NRG3: variants seen among roughly 807,000 people sequenced by gnomAD.
The protein encoded by NRG3 is neuregulin 3.
NRG3 carries 31 observed loss-of-function variants against 66.9 expected under a neutral mutation model. The ratio of observed to expected loss-of-function variants is 0.46; its 90% CI spans 0.35 to 0.63. The LOEUF is 0.63. NRG3 is among the 20% of genes least tolerant of loss of function. The pLI is 0.00. For missense variants in NRG3, 910 were observed against 878.9 expected, an observed-to-expected ratio of 1.04 and a Z score of -0.45; for synonymous variants, 393 against 359.4, an observed-to-expected ratio of 1.09 and a Z score of -1.06.
chr10:82,270,836 G>T (rs1307362405), intron 1 of NRG3, among the ~76,000 whole-genome samples: 1 of 152,042 alleles, frequency 6.6e-6, no homozygotes, highest in African/African-American at 2.4e-5. Flanking sequence ...TGTCTCTTAC[G>T]CCATGGAGTA....
chr10:82,152,310 T>C (rs958406251), intron 1 of NRG3, among the ~76,000 whole-genome samples: 2 of 152,198 alleles, frequency 1.3e-5, no homozygotes, highest in South Asian at 2.1e-4. Context: ...TAGGATCTGC[T>C]TTGTTGCTAA....
chr10:82,746,097 G>T (rs1486495360), intron 3 of NRG3, among the ~76,000 whole-genome samples: 1 of 152,088 alleles, frequency 6.6e-6, no homozygotes, highest in Non-Finnish European at 1.5e-5. Context: ...TTGCTATGTT[G>T]CCCAGGCTGG....
intron 1 of NRG3, among the ~76,000 whole-genome samples, chr10:82,235,569 C>G (rs901782401): frequency 1.3e-5 from 2 of 152,148 alleles, no homozygotes; most frequent in Non-Finnish European, 2.9e-5. Context: ...TCTCCCACTG[C>G]TCTTAAGGCC....
chr10:82,211,196 T>C (rs748441128), intron 1 of NRG3, among the ~76,000 whole-genome samples: 2 of 152,182 alleles, frequency 1.3e-5, no homozygotes, highest in Non-Finnish European at 2.9e-5. Flanking sequence ...TTAATTCTTT[T>C]CTTTAATGGT....
chr10:81,937,741 C>A (rs1017772124), intron 1 of NRG3, among the ~76,000 whole-genome samples: 4 of 152,028 alleles, frequency 2.6e-5, no homozygotes, highest in Non-Finnish European at 5.9e-5. Flanking sequence ...CAGAAGTTTT[C>A]AAGTTTGATG....
chr10:82,609,879 A>G (rs1212402690), intron 2 of NRG3, among the ~76,000 whole-genome samples: 4 of 152,202 alleles, frequency 2.6e-5, no homozygotes, highest in Non-Finnish European at 5.9e-5. Context: ...AAATTTAGCA[A>G]CTTAAAGTAA....
chr10:82,910,085 A>G (rs1041919447), intron 4 of NRG3, among the ~76,000 whole-genome samples: 11 of 152,260 alleles, frequency 7.2e-5, no homozygotes, highest in African/African-American at 2.7e-4. Context: ...TATTCTGGCC[A>G]TGAAACAAGA....
chr10:81,947,763 T>G (rs538313025), intron 1 of NRG3, among the ~76,000 whole-genome samples: 1 of 152,148 alleles, frequency 6.6e-6, no homozygotes, highest in East Asian at 1.9e-4. Context: ...AAACAGTAGC[T>G]AATATGACAA....
intron 4 of NRG3, among the ~76,000 whole-genome samples, chr10:82,945,823 A>G (rs554133273): frequency 6.6e-6 from 1 of 152,302 alleles, no homozygotes; most frequent in East Asian, 1.9e-4. Flanking sequence ...TATTGAAACC[A>G]TAGCAGCTCC....
At chr10:82,319,776 A>T (rs1443291932) in intron 1 of NRG3, among the ~76,000 whole-genome samples, 1 of 152,114 alleles carries the variant, frequency 6.6e-6, no homozygotes, top group Non-Finnish European at 1.5e-5. Flanking sequence ...GAGTGGGAGG[A>T]GCTGATGGAG....
At chr10:82,855,039 T>C (rs1371416908) in intron 3 of NRG3, among the ~76,000 whole-genome samples, 1 of 152,146 alleles carries the variant, frequency 6.6e-6, no homozygotes, top group African/African-American at 2.4e-5. Flanking sequence ...AGGGTTCCTC[T>C]TCTAGTATCT....
intron 7 of NRG3, among the ~76,000 whole-genome samples, chr10:82,977,254 G>A (rs1356239828): frequency 6.6e-6 from 1 of 152,124 alleles, no homozygotes; most frequent in Non-Finnish European, 1.5e-5. Flanking sequence ...TCCAACTTGT[G>A]GGCTTAGTGA....
At chr10:82,218,866 C>T (rs552230097) in intron 1 of NRG3, among the ~76,000 whole-genome samples, 7 of 152,110 alleles carry the variant, frequency 4.6e-5, no homozygotes, top group East Asian at 1.9e-4. Context: ...GAGAGTTAGA[C>T]GAAGGATAGA....
chr10:81,973,471 G>A (rs888068586), intron 1 of NRG3, among the ~76,000 whole-genome samples: 2 of 152,070 alleles, frequency 1.3e-5, no homozygotes, highest in African/African-American at 4.8e-5. Context: ...CTAAATCTTC[G>A]AGGAGTCGCC....
At chr10:82,054,740 GA>G (rs139223309) in intron 1 of NRG3, among the ~76,000 whole-genome samples, 1,951 of 152,148 alleles carry the variant, frequency 0.013, 38 homozygotes, top group African/African-American at 0.044. Flanking sequence ...AGCCAAGGAA[GA>G]GAAGTGTTTG....
intron 4 of NRG3, among the ~76,000 whole-genome samples, chr10:82,876,890 G>A (rs770658236): frequency 3.3e-5 from 5 of 152,070 alleles, no homozygotes; most frequent in Admixed American, 1.3e-4. Flanking sequence ...AGGTGTGGTG[G>A]TGCATGCCTG....
At chr10:81,923,843 C>CT (rs1363639049) in intron 1 of NRG3, among the ~76,000 whole-genome samples, 3 of 152,150 alleles carry the variant, frequency 2.0e-5, no homozygotes, top group African/African-American at 7.2e-5. Context: ...CCACCTTGTT[C>CT]TTTTTTCCAC....
intron 2 of NRG3, among the ~76,000 whole-genome samples, chr10:82,675,063 A>G (rs1460921653): frequency 6.6e-6 from 1 of 151,792 alleles, no homozygotes; most frequent in Non-Finnish European, 1.5e-5. Context: ...GGTTCAAGCG[A>G]TTCTTCCTCC....
intron 4 of NRG3, among the ~76,000 whole-genome samples, chr10:82,884,466 T>G (rs1401314381): frequency 6.6e-6 from 1 of 152,202 alleles, no homozygotes; most frequent in African/African-American, 2.4e-5. Context: ...ACCTTTCTGT[T>G]TTGCCTGATT....
Sources: gnomAD v4.1 joint callset for allele counts (sites outside exome capture counted in the v4.1 genomes callset) on GRCh38, gnomAD v4.1.1 for gene constraint, MANE v1.5 for transcripts, NCBI Gene and HGNC (gene_info 2026-07-23, HGNC 2026-07-21) for gene names.